The following ZNF503 variants were observed in gnomAD, a reference collection of about 807,000 sequenced individuals.
ZNF503 encodes NocA-like zinc finger 2.
In ZNF503, 15 loss-of-function variants were observed where a neutral mutation model predicts 34.4. The observed-to-expected ratio is 0.44, with a 90% confidence interval of 0.29 to 0.67. The LOEUF (loss-of-function observed/expected upper bound fraction) is 0.67. Ranked by LOEUF, ZNF503 falls within the 30% of genes least tolerant of loss-of-function variation. The probability of loss-of-function intolerance (pLI) is 0.13; values close to 1 mark genes in which losing one functional copy is unlikely to be tolerated. For missense variants in ZNF503, 1,007 were observed against 926.8 expected (o/e 1.09, Z -1.12); for synonymous variants, 580 against 456.8 (o/e 1.27, Z -3.44).
At chr10:75,295,883 G>A in the ZNF503 span, among the ~76,000 whole-genome samples, 2 of 152,070 alleles carry the variant, frequency 1.3e-5, no homozygotes, top group African/African-American at 2.4e-5. This position sits in a 1 kb window ranked among gnomAD's most constrained non-coding sequence, Gnocchi z 4.0. Context: ...TGGAAGGGGG[G>A]AGAGAGAGAG....
chr10:75,302,907 T>C, the ZNF503 span, among the ~76,000 whole-genome samples: 1 of 152,230 alleles, frequency 6.6e-6, no homozygotes, highest in Non-Finnish European at 1.5e-5. Flanking sequence ...ATATTGTTCT[T>C]ACCTAAAGTT....
chr10:75,285,171 C>A, the ZNF503 span, among the ~76,000 whole-genome samples: 129 of 152,360 alleles, frequency 8.5e-4, 1 homozygote, highest in East Asian at 0.02. Flanking sequence ...GTGCTGCAAG[C>A]TTTGTGTTCA....
chr10:75,351,291 C>A, the ZNF503 span, among the ~76,000 whole-genome samples: 340 of 152,282 alleles, frequency 2.2e-3, no homozygotes, highest in Non-Finnish European at 3.7e-3. Flanking sequence ...TGTGCCTCAG[C>A]CTCCTGAGTA....
chr10:75,327,397 T>C, the ZNF503 span, among the ~76,000 whole-genome samples: 1 of 152,250 alleles, frequency 6.6e-6, no homozygotes, highest in Admixed American at 6.5e-5. Flanking sequence ...CATAATGTCC[T>C]CCAGGCACAT....
chr10:75,398,827 G>T lies in ZNF503; in HGVS notation c.1863C>A (p.Ala621=). Residue 621 remains alanine, a synonymous_variant, in exon 2 of 2, where the codon GCC becomes GCA. Coordinates refer to ENST00000372524, the MANE Select transcript of ZNF503 (RefSeq NM_032772.6). ...AGGGGGAGTAGTACGGTCCGGTGGCGGCGGGCACCGGCACGGGGGCGCCAG... is the reference window on the plus strand; with the variant it reads ...AGGGGGAGTAGTACGGTCCGGTGGCTGCGGGCACCGGCACGGGGGCGCCAG... ...PTPGAPVPVP[A]ATGPYYSPYA... 1 of 1,498,584 alleles carries T rather than the reference G, an allele frequency of 6.7e-7. No homozygotes were observed. Among genetic ancestry groups the T allele is most frequent in the Non-Finnish European group, 8.8e-7 (1 of 1,130,074 alleles). The allele number at this position is 1,498,584 out of a possible 1,614,324, so 92.8% of individuals were successfully genotyped here. A position where few individuals can be genotyped will look rare whatever the true frequency, so the allele number is the denominator to read the frequency against.
chr10:75,355,051 G>A, the ZNF503 span, among the ~76,000 whole-genome samples: 5 of 151,994 alleles, frequency 3.3e-5, no homozygotes, highest in African/African-American at 1.2e-4. Flanking sequence ...CGCCATGTTG[G>A]TCAGGTTGGT....
chr10:75,343,950 C>T, the ZNF503 span, among the ~76,000 whole-genome samples: 6 of 152,234 alleles, frequency 3.9e-5, no homozygotes, highest in African/African-American at 1.4e-4. Context: ...ACGGGGGCCA[C>T]AGGCTTGGCT....
At position 75,401,748 on chromosome 10, in the gene ZNF503, T is replaced by G; in HGVS notation, c.-329A>C. Reference sequence around the variant, plus strand: ...GCGCTCTGCGATGCGAGCCGCTGCGTGTCCAGCCGGGGCTCTGGCGAGGAA... The same window carrying G: ...GCGCTCTGCGATGCGAGCCGCTGCGGGTCCAGCCGGGGCTCTGGCGAGGAA... On this transcript the variant is annotated 5_prime_UTR_variant, in exon 1 of 2. Transcript: ENST00000372524. The G allele has an allele frequency of 2.8e-6, 1 of 352,024 alleles. No homozygotes were observed. Among genetic ancestry groups the G allele is most frequent in the Non-Finnish European group, 5.1e-6 (1 of 196,354 alleles). 21.8% of individuals were successfully genotyped at this position (352,024 alleles called of 1,614,324 possible). A position where few individuals can be genotyped will look rare whatever the true frequency, so the allele number is the denominator to read the frequency against.
the ZNF503 span, among the ~76,000 whole-genome samples, chr10:75,354,524 A>G: frequency 6.6e-6 from 1 of 151,846 alleles, no homozygotes; most frequent in African/African-American, 2.4e-5. Context: ...ACCAGCCCGC[A>G]CAGTATAGTA....
the ZNF503 span, among the ~76,000 whole-genome samples, chr10:75,310,097 C>A: frequency 6.6e-6 from 1 of 152,204 alleles, no homozygotes; most frequent in African/African-American, 2.4e-5. Context: ...AAAATATGTC[C>A]ATTAGATCAA....
the ZNF503 span, among the ~76,000 whole-genome samples, chr10:75,388,078 G>T: frequency 6.6e-6 from 1 of 152,132 alleles, no homozygotes; most frequent in Non-Finnish European, 1.5e-5. Flanking sequence ...CAGAGAGGAA[G>T]ATTACACTCA....
At chr10:75,385,387 T>C in the ZNF503 span, among the ~76,000 whole-genome samples, 1 of 152,222 alleles carries the variant, frequency 6.6e-6, no homozygotes, top group Non-Finnish European at 1.5e-5. Flanking sequence ...TATTCACAAA[T>C]TGGCAATTTC....
chr10:75,333,180 C>G, the ZNF503 span, among the ~76,000 whole-genome samples: 1 of 122,504 alleles, frequency 8.2e-6, no homozygotes, highest in South Asian at 3.0e-4. Context: ...TAGGGGTGGC[C>G]GGGCAGAGGT....
chr10:75,300,600 A>G, the ZNF503 span, among the ~76,000 whole-genome samples: 1 of 152,088 alleles, frequency 6.6e-6, no homozygotes, highest in Non-Finnish European at 1.5e-5. Flanking sequence ...ATAAATGTCC[A>G]TGAAATCTTC....
At chr10:75,385,126 C>T in the ZNF503 span, among the ~76,000 whole-genome samples, 1 of 152,238 alleles carries the variant, frequency 6.6e-6, no homozygotes, top group Non-Finnish European at 1.5e-5. Context: ...AAAGAGGTGG[C>T]CATCTTAGGG....
At chr10:75,336,378 A>C in the ZNF503 span, among the ~76,000 whole-genome samples, 1 of 11,386 alleles carries the variant, frequency 8.8e-5, no homozygotes, top group Admixed American at 4.6e-4. Context: ...CAGAATTGTC[A>C]AAAAAAAAAA....
chr10:75,373,405 G>A, the ZNF503 span: 1 of 152,196 alleles, frequency 6.6e-6, no homozygotes, highest in Non-Finnish European at 1.5e-5. Context: ...TATCTCCTGA[G>A]AGCACTCCCC....
chr10:75,397,633 T>C (rs1297378562), downstream of ZNF503, among the ~76,000 whole-genome samples: 1 of 151,942 alleles, frequency 6.6e-6, no homozygotes. Flanking sequence ...TGGTGAAATA[T>C]CCTCTAAAAA....
chr10:75,360,713 C>A, the ZNF503 span: 1 of 152,244 alleles, frequency 6.6e-6, no homozygotes, highest in African/African-American at 2.4e-5. Context: ...AAGAACCCAA[C>A]AAGTAACTCA....
Sources: allele counts gnomAD v4.1 joint callset (sites outside exome capture counted in the v4.1 genomes callset), GRCh38; gene constraint gnomAD v4.1.1; non-coding constraint Gnocchi (gnomAD v3.1); transcripts MANE v1.5; gene names NCBI Gene and HGNC (gene_info 2026-07-23, HGNC 2026-07-21).